AOPEP: variants seen among roughly 807,000 people sequenced by gnomAD.
AOPEP encodes aminopeptidase O (putative).
In AOPEP, 77 loss-of-function variants were observed where a neutral mutation model predicts 98.1. That is an observed-to-expected ratio of 0.78 (90% CI 0.65 to 0.95). The LOEUF is 0.95. Among genes scored for constraint, AOPEP ranks in the 40% least tolerant of loss-of-function variants. The probability of loss-of-function intolerance (pLI) is 0.00; values close to 1 mark genes in which losing one functional copy is unlikely to be tolerated. For missense variants in AOPEP, 1,024 were observed against 1,024.7 expected (o/e 1.00, Z 0.01); for synonymous variants, 346 against 365.3 (o/e 0.95, Z 0.60).
At chr9:94,855,449 G>A (rs1266089852) in intron 5 of AOPEP, among the ~76,000 whole-genome samples, 1 of 152,126 alleles carries the variant, frequency 6.6e-6, no homozygotes, top group Non-Finnish European at 1.5e-5. Context: ...AGCAGTTTGG[G>A]AGGCTGAGGC....
intron 5 of AOPEP, among the ~76,000 whole-genome samples, chr9:94,807,615 G>C (rs1045034489): frequency 6.6e-6 from 1 of 152,118 alleles, no homozygotes; most frequent in Non-Finnish European, 1.5e-5. Context: ...TTTCTTTACC[G>C]AAGCATCATT....
the AOPEP span, among the ~76,000 whole-genome samples, chr9:95,104,592 G>A: frequency 1.3e-5 from 2 of 152,202 alleles, no homozygotes; most frequent in East Asian, 1.9e-4. Context: ...TCTTGAGGGC[G>A]ATCTGCTTTG....
intron 3 of AOPEP, among the ~76,000 whole-genome samples, chr9:94,787,310 A>G (rs1222535902): frequency 6.6e-6 from 1 of 152,216 alleles, no homozygotes; most frequent in Non-Finnish European, 1.5e-5. Context: ...GAGTGCAGAC[A>G]TGCTGATGAA....
chr9:94,933,451 A>T, intron 7 of AOPEP: 1 of 985,450 alleles, frequency 1.0e-6, no homozygotes. Flanking sequence ...GAAAACGTTA[A>T]AATGTATCGC....
intron 13 of AOPEP, among the ~76,000 whole-genome samples, chr9:95,053,316 C>A (rs1373000331): frequency 6.6e-6 from 1 of 152,174 alleles, no homozygotes; most frequent in Non-Finnish European, 1.5e-5. Flanking sequence ...TATTATGTAT[C>A]TTTAGAATGT....
chr9:94,820,103 G>A (rs1438023487), intron 5 of AOPEP, among the ~76,000 whole-genome samples: 19 of 151,754 alleles, frequency 1.3e-4, no homozygotes, highest in African/African-American at 3.9e-4. Flanking sequence ...CCACCACCAC[G>A]CCCAGCTGAT....
chr9:95,068,172 T>C (rs1356284692), intron 14 of AOPEP, among the ~76,000 whole-genome samples: 2 of 152,240 alleles, frequency 1.3e-5, no homozygotes, highest in Non-Finnish European at 2.9e-5. Context: ...TGTGGACATA[T>C]GCTTTCATTT....
At chr9:95,006,772 AG>A (rs1488471515) in intron 13 of AOPEP, among the ~76,000 whole-genome samples, 1 of 152,130 alleles carries the variant, frequency 6.6e-6, no homozygotes, top group Non-Finnish European at 1.5e-5. Flanking sequence ...TGGTATGGTA[AG>A]TTGTGTTTAA....
chr9:94,823,760 C>T (rs1304904976), intron 5 of AOPEP, among the ~76,000 whole-genome samples: 4 of 152,194 alleles, frequency 2.6e-5, no homozygotes, highest in East Asian at 1.9e-4. Context: ...ACAATAGCCT[C>T]AGAAGTAGGG....
chr9:95,047,621 TTTGA>T (rs112337430), intron 13 of AOPEP, among the ~76,000 whole-genome samples: 21 of 152,328 alleles, frequency 1.4e-4, no homozygotes, highest in African/African-American at 5.1e-4. Context: ...TCTTTCTGTT[TTTGA>T]TTGAAGTGCA....
At chr9:94,817,521 G>A (rs902104331) in intron 5 of AOPEP, among the ~76,000 whole-genome samples, 2 of 152,186 alleles carry the variant, frequency 1.3e-5, no homozygotes, top group African/African-American at 4.8e-5. Context: ...GTGTCCAGGT[G>A]TCCTTGGAGC....
At chr9:94,899,186 T>TC (rs1425223114) in intron 5 of AOPEP, among the ~76,000 whole-genome samples, 4 of 114,980 alleles carry the variant, frequency 3.5e-5, no homozygotes, top group Non-Finnish European at 7.4e-5. Flanking sequence ...TTGCTTTTTT[T>TC]TTTTTTTTTT....
At chr9:94,743,426 T>A (rs532936707) in intron 1 of AOPEP, among the ~76,000 whole-genome samples, 1 of 152,096 alleles carries the variant, frequency 6.6e-6, no homozygotes, top group Non-Finnish European at 1.5e-5. Context: ...AAACTTGTAG[T>A]GAAGTGGTGT....
At chr9:95,148,341 AC>A in the AOPEP span, among the ~76,000 whole-genome samples, 1 of 152,174 alleles carries the variant, frequency 6.6e-6, no homozygotes, top group African/African-American at 2.4e-5. Context: ...GGCTCACTTG[AC>A]CACTTTTTGT....
chr9:95,099,330 T>G, the AOPEP span: 1 of 226,734 alleles, frequency 4.4e-6, no homozygotes, highest in Non-Finnish European at 8.8e-6. Flanking sequence ...AAGACCTTGG[T>G]CCAGTTCCTT....
chr9:94,837,460 A>G (rs188504170), intron 5 of AOPEP, among the ~76,000 whole-genome samples: 1 of 152,350 alleles, frequency 6.6e-6, no homozygotes, highest in Non-Finnish European at 1.5e-5. Context: ...AAAAAAAGAT[A>G]TTGATCTGTA....
chr9:94,915,788 A>C (rs1421481733), intron 5 of AOPEP, among the ~76,000 whole-genome samples: 1 of 152,230 alleles, frequency 6.6e-6, no homozygotes, highest in Admixed American at 6.5e-5. Flanking sequence ...AGAGGGCCTG[A>C]CTGGGGCTTG....
chr9:95,045,629 G>C (rs941417400), intron 13 of AOPEP, among the ~76,000 whole-genome samples: 1 of 152,200 alleles, frequency 6.6e-6, no homozygotes, highest in South Asian at 2.1e-4. Flanking sequence ...CCAGTTACTC[G>C]TGTCAAGGAT....
chr9:94,971,817 A>T (rs1379581907), intron 10 of AOPEP, among the ~76,000 whole-genome samples: 7 of 152,232 alleles, frequency 4.6e-5, no homozygotes, highest in Non-Finnish European at 1.0e-4. Context: ...TACTGAAGAC[A>T]AAACAGAAAC....
Sources: allele counts gnomAD v4.1 joint callset (sites outside exome capture counted in the v4.1 genomes callset), GRCh38; gene constraint gnomAD v4.1.1; transcripts MANE v1.5; gene names NCBI Gene and HGNC (gene_info 2026-07-23, HGNC 2026-07-21).